FUT9: variants seen among roughly 807,000 people sequenced by gnomAD.
FUT9 encodes 4-galactosyl-N-acetylglucosaminide 3-alpha-L-fucosyltransferase 9.
Under a neutral mutation model 29.7 loss-of-function variants are expected in FUT9, and 15 were observed. The ratio of observed to expected loss-of-function variants is 0.51; its 90% CI spans 0.34 to 0.78. The LOEUF (loss-of-function observed/expected upper bound fraction) is 0.78, where lower values mean the gene tolerates loss of function less well. Among genes scored for constraint, FUT9 ranks in the 30% least tolerant of loss-of-function variants. FUT9 has a pLI of 0.01. For synonymous variants in FUT9, 169 were observed against 153.7 expected, an observed-to-expected ratio of 1.10 and a Z score of -0.74; for missense variants, 319 against 425.4, an observed-to-expected ratio of 0.75 and a Z score of 2.20.
intron 1 of FUT9, among the ~76,000 whole-genome samples, chr6:96,106,411 T>C (rs1771686992): frequency 6.6e-6 from 1 of 152,146 alleles, no homozygotes; most frequent in South Asian, 2.1e-4. Flanking sequence ...TTTCTTGTTA[T>C]TGCCATAGAC....
At chr6:96,190,290 C>T (rs1030417899) in intron 2 of FUT9, among the ~76,000 whole-genome samples, 6 of 152,130 alleles carry the variant, frequency 3.9e-5, no homozygotes, top group Admixed American at 6.6e-5. Flanking sequence ...TTAGTCAGAT[C>T]GGCTTCCTTT....
At chr6:96,155,469 C>G (rs908475457) in intron 2 of FUT9, among the ~76,000 whole-genome samples, 1 of 151,816 alleles carries the variant, frequency 6.6e-6, no homozygotes, top group African/African-American at 2.4e-5. Flanking sequence ...AGCTGGAGAT[C>G]GAGACTATCC....
At chr6:96,169,786 G>C (rs563003219) in intron 2 of FUT9, among the ~76,000 whole-genome samples, 1 of 151,764 alleles carries the variant, frequency 6.6e-6, no homozygotes. Flanking sequence ...TTATTATTTT[G>C]ACTCATTTGG....
intron 1 of FUT9, among the ~76,000 whole-genome samples, chr6:96,095,811 G>A (rs545901216): frequency 6.6e-6 from 1 of 152,154 alleles, no homozygotes; most frequent in South Asian, 2.1e-4. Flanking sequence ...CAACTAGTTT[G>A]TTAGATGTGT....
intron 2 of FUT9, among the ~76,000 whole-genome samples, chr6:96,178,508 TC>T: frequency 6.6e-6 from 1 of 152,124 alleles, no homozygotes; most frequent in African/African-American, 2.4e-5. Context: ...TAAAGATACC[TC>T]CCAGAGAAAA....
At chr6:96,120,307 G>A in intron 2 of FUT9, among the ~76,000 whole-genome samples, 1 of 110,786 alleles carries the variant, frequency 9.0e-6, no homozygotes, top group African/African-American at 3.5e-5. Context: ...GTCTCTCTGT[G>A]TTGCCCAGAC....
At chr6:96,061,998 C>A (rs1770881673) in intron 1 of FUT9, among the ~76,000 whole-genome samples, 1 of 152,176 alleles carries the variant, frequency 6.6e-6, no homozygotes, top group Middle Eastern at 3.4e-3. Flanking sequence ...CTTTACCATT[C>A]CCATGGATTG....
intron 2 of FUT9, among the ~76,000 whole-genome samples, chr6:96,156,939 T>C (rs1772796540): frequency 6.6e-6 from 1 of 152,186 alleles, no homozygotes; most frequent in South Asian, 2.1e-4. Flanking sequence ...TACCATGAAA[T>C]GAAATAATGG....
At chr6:96,018,280 A>G (rs1186747369) in intron 1 of FUT9, among the ~76,000 whole-genome samples, 1 of 152,174 alleles carries the variant, frequency 6.6e-6, no homozygotes, top group Non-Finnish European at 1.5e-5. Flanking sequence ...GAAAGCAAGG[A>G]GTAATACTTT....
intron 2 of FUT9, among the ~76,000 whole-genome samples, chr6:96,176,130 G>C (rs554603024): frequency 1.3e-5 from 2 of 152,094 alleles, no homozygotes; most frequent in South Asian, 4.1e-4. Context: ...TTCAGCCTTG[G>C]ACCGAGAGTT....
chr6:96,106,905 A>T (rs1477154582), intron 1 of FUT9, among the ~76,000 whole-genome samples: 2 of 151,776 alleles, frequency 1.3e-5, no homozygotes, highest in African/African-American at 4.8e-5. Context: ...ATTAAAAAAT[A>T]AAAAAATTCA....
intron 2 of FUT9, among the ~76,000 whole-genome samples, chr6:96,137,706 A>G (rs1772384117): frequency 6.6e-6 from 1 of 152,076 alleles, no homozygotes; most frequent in Non-Finnish European, 1.5e-5. Flanking sequence ...AAAACTAAGA[A>G]AATAAGTAAA....
At chr6:96,063,273 T>C (rs556670080) in intron 1 of FUT9, among the ~76,000 whole-genome samples, 1 of 152,304 alleles carries the variant, frequency 6.6e-6, no homozygotes, top group East Asian at 1.9e-4. Context: ...ATAGGTTTAA[T>C]TGGCTCACGG....
intron 2 of FUT9, among the ~76,000 whole-genome samples, chr6:96,193,907 C>T (rs1773568071): frequency 6.6e-6 from 1 of 152,118 alleles, no homozygotes; most frequent in Admixed American, 6.6e-5. Flanking sequence ...TTTGTAGGGA[C>T]ATGGATGAAG....
intron 2 of FUT9, among the ~76,000 whole-genome samples, chr6:96,137,096 A>G (rs1582259808): frequency 6.6e-6 from 1 of 152,024 alleles, no homozygotes; most frequent in South Asian, 2.1e-4. Context: ...GCAAATATTT[A>G]TCAAGAACTT....
chr6:96,078,995 T>C (rs1582215301), intron 1 of FUT9, among the ~76,000 whole-genome samples: 1 of 152,238 alleles, frequency 6.6e-6, no homozygotes, highest in Admixed American at 6.5e-5. Flanking sequence ...GTGGCTAGAG[T>C]TTTGGGCTCA....
rs1773886598 is a variant in FUT9, at chr6:96,209,094, A to C, written c.*4859A>C. ...AAATCTGGAATGTGAGTGCTACCCT[A>C]GGTTATTAGTTCAACAAACTAATTT... is the stretch of plus-strand genomic sequence containing the variant. On this transcript the variant is annotated 3_prime_UTR_variant, in exon 3 of 3. Coordinates refer to ENST00000302103, the MANE Select transcript of FUT9 (RefSeq NM_006581.4). 6.0e-6 allele frequency: 1 copy of C among 166,870 alleles called. No individual in the cohort carries two copies. 10.3% of individuals were successfully genotyped at this position (166,870 alleles called of 1,614,324 possible). A position where few individuals can be genotyped will look rare whatever the true frequency, so the allele number is the denominator to read the frequency against.
At chr6:96,095,058 C>G (rs952785729) in intron 1 of FUT9, among the ~76,000 whole-genome samples, 1 of 152,046 alleles carries the variant, frequency 6.6e-6, no homozygotes, top group African/African-American at 2.4e-5. Flanking sequence ...CACCTACGTC[C>G]TCTTCGTGAT....
intron 1 of FUT9, among the ~76,000 whole-genome samples, chr6:96,074,982 C>T (rs570377974): frequency 6.6e-6 from 1 of 151,990 alleles, no homozygotes; most frequent in Admixed American, 6.6e-5. Context: ...AGAGGTCTCA[C>T]TGTGTTGCCC....
Sources: gnomAD v4.1 joint callset for allele counts (sites outside exome capture counted in the v4.1 genomes callset) on GRCh38, gnomAD v4.1.1 for gene constraint, MANE v1.5 for transcripts, NCBI Gene and HGNC (gene_info 2026-07-23, HGNC 2026-07-21) for gene names.